Variants in DNAJC1 observed in about 807,000 individuals in gnomAD.
The protein encoded by DNAJC1 is dnaJ homolog subfamily C member 1.
DNAJC1 carries 58 observed loss-of-function variants against 76.6 expected under a neutral mutation model. That is an observed-to-expected ratio of 0.76 (90% confidence interval 0.61 to 0.94). The LOEUF (loss-of-function observed/expected upper bound fraction) is 0.94. Ranked by LOEUF, DNAJC1 falls within the 40% of genes least tolerant of loss-of-function variation. DNAJC1 has a pLI of 0.00. For synonymous variants in DNAJC1, 258 were observed against 267.9 expected, an observed-to-expected ratio of 0.96 and a Z score of 0.36; for missense variants, 689 against 677.3, an observed-to-expected ratio of 1.02 and a Z score of -0.19.
intron 1 of DNAJC1, among the ~76,000 whole-genome samples, chr10:21,991,435 T>G (rs1292123027): frequency 6.6e-6 from 1 of 152,168 alleles, no homozygotes; most frequent in Non-Finnish European, 1.5e-5. Flanking sequence ...AGCATGAACT[T>G]TATACCAATA....
intron 6 of DNAJC1, among the ~76,000 whole-genome samples, chr10:21,918,282 G>A (rs1401856765): frequency 6.6e-6 from 1 of 150,752 alleles, no homozygotes; most frequent in Admixed American, 6.6e-5. Flanking sequence ...CTCATTACCT[G>A]TATAAGACAA....
At chr10:21,971,325 A>G (rs1837973800) in intron 1 of DNAJC1, among the ~76,000 whole-genome samples, 1 of 151,868 alleles carries the variant, frequency 6.6e-6, no homozygotes, top group Non-Finnish European at 1.5e-5. Flanking sequence ...GATATCTTCT[A>G]TTTATGTCAA....
At chr10:21,819,457 T>A (rs966336485) in intron 8 of DNAJC1, among the ~76,000 whole-genome samples, 5 of 151,678 alleles carry the variant, frequency 3.3e-5, no homozygotes, top group Admixed American at 1.3e-4. Context: ...TGGTCACGCT[T>A]TGAAATTCAA....
chr10:21,926,189 G>A (rs1837124861), intron 3 of DNAJC1, among the ~76,000 whole-genome samples: 1 of 151,634 alleles, frequency 6.6e-6, no homozygotes, highest in Admixed American at 6.6e-5. Flanking sequence ...TGAGTTCAAG[G>A]GATCTGCCCT....
intron 1 of DNAJC1, among the ~76,000 whole-genome samples, chr10:21,937,095 A>T (rs1486325693): frequency 1.3e-5 from 2 of 151,984 alleles, no homozygotes; most frequent in Admixed American, 1.3e-4. Context: ...TATAATGAAA[A>T]TTTTTTTTCA....
intron 1 of DNAJC1, among the ~76,000 whole-genome samples, chr10:21,971,001 C>T (rs894984162): frequency 3.3e-5 from 5 of 151,758 alleles, no homozygotes; most frequent in African/African-American, 7.3e-5. Context: ...AAATAGTCAC[C>T]GCAATCAAGC....
At chr10:21,962,727 C>CT (rs1215838970) in intron 1 of DNAJC1, among the ~76,000 whole-genome samples, 3 of 149,374 alleles carry the variant, frequency 2.0e-5, no homozygotes, top group Non-Finnish European at 4.4e-5. Flanking sequence ...CCTGGCCTGA[C>CT]TTTTTTCGTG....
At chr10:21,879,771 G>A (rs935843641) in intron 8 of DNAJC1, among the ~76,000 whole-genome samples, 2 of 152,204 alleles carry the variant, frequency 1.3e-5, no homozygotes, top group Non-Finnish European at 2.9e-5. Context: ...AACCATCTGA[G>A]TCTTTCAACA....
intron 8 of DNAJC1, among the ~76,000 whole-genome samples, chr10:21,824,668 T>C (rs1489776868): frequency 6.6e-6 from 1 of 152,216 alleles, no homozygotes; most frequent in East Asian, 1.9e-4. Flanking sequence ...CCCCACTTCC[T>C]ACCCAGTTCA....
intron 1 of DNAJC1, among the ~76,000 whole-genome samples, chr10:21,937,450 A>G (rs1248496838): frequency 6.6e-6 from 1 of 152,148 alleles, no homozygotes; most frequent in African/African-American, 2.4e-5. Flanking sequence ...TGCACCTAAC[A>G]GAGCCCCAAA....
At chr10:21,834,883 AG>A (rs1835424158) in intron 8 of DNAJC1, among the ~76,000 whole-genome samples, 1 of 152,218 alleles carries the variant, frequency 6.6e-6, no homozygotes, top group South Asian at 2.1e-4. Context: ...CTACCTCTGT[AG>A]GCTCCACCTC....
Position 21,775,662 on chromosome 10 carries a change from A to C in DNAJC1, c.1099-9353T>G, listed in dbSNP as rs1242332077. On this transcript the variant is annotated intron_variant, in intron 9 of 11. Coordinates refer to ENST00000376980, the MANE Select transcript of DNAJC1 (RefSeq NM_022365.4). ...GTAAAGTGGGTACCAATTTACTCTC[A>C]AAATGTTTAGTGTTTATTTTCTCAA... Among the ~76,000 whole-genome samples, 4 of 152,288 alleles carry C rather than the reference A, an allele frequency of 2.6e-5. No individual in the cohort carries two copies. The East Asian group carries it at 7.7e-4, about 29-fold the overall frequency.
At chr10:21,836,237 G>A (rs1376998288) in intron 8 of DNAJC1, among the ~76,000 whole-genome samples, 1 of 152,144 alleles carries the variant, frequency 6.6e-6, no homozygotes, top group Admixed American at 6.5e-5. Flanking sequence ...AGCTTCATAA[G>A]TGAAGGAGAA....
chr10:21,811,425 C>A (rs1329869790), intron 8 of DNAJC1, among the ~76,000 whole-genome samples: 1 of 152,112 alleles, frequency 6.6e-6, no homozygotes. Flanking sequence ...GGAATCTGTC[C>A]AAATTGCAAA....
intron 8 of DNAJC1, among the ~76,000 whole-genome samples, chr10:21,810,650 T>G (rs1433873465): frequency 6.6e-6 from 1 of 152,158 alleles, no homozygotes; most frequent in Non-Finnish European, 1.5e-5. Context: ...CAGATGTAAA[T>G]TAAAACAGGG....
chr10:21,845,356 CTTT>C (rs112507630), intron 8 of DNAJC1, among the ~76,000 whole-genome samples: 18 of 141,112 alleles, frequency 1.3e-4, no homozygotes, highest in Admixed American at 2.1e-4. Context: ...AAAATTAGAA[CTTT>C]TTTTTTTTTT....
At chr10:21,872,241 T>G (rs1483189062) in intron 8 of DNAJC1, among the ~76,000 whole-genome samples, 1 of 151,714 alleles carries the variant, frequency 6.6e-6, no homozygotes, top group Non-Finnish European at 1.5e-5. Flanking sequence ...ACCCGGCTAA[T>G]TTTGTGTGTT....
intron 3 of DNAJC1, among the ~76,000 whole-genome samples, chr10:21,924,913 T>C (rs2131775481): frequency 6.6e-6 from 1 of 152,330 alleles, no homozygotes; most frequent in East Asian, 1.9e-4. Context: ...ATGGTAAGTA[T>C]TTGTCTATCT....
intron 8 of DNAJC1, among the ~76,000 whole-genome samples, chr10:21,870,012 T>G (rs998110736): frequency 6.6e-6 from 1 of 151,828 alleles, no homozygotes; most frequent in Middle Eastern, 3.4e-3. Context: ...GAAAAGAAAA[T>G]CACAGGTGAA....
Sources: gnomAD v4.1 joint callset for allele counts (sites outside exome capture counted in the v4.1 genomes callset) on GRCh38, gnomAD v4.1.1 for gene constraint, MANE v1.5 for transcripts, NCBI Gene and HGNC (gene_info 2026-07-23, HGNC 2026-07-21) for gene names.